Variants in GRIN2B observed in about 807,000 individuals in gnomAD.
GRIN2B encodes the protein glutamate ionotropic receptor NMDA type subunit 2B.
GRIN2B carries 5 observed loss-of-function variants against 114.5 expected under a neutral mutation model. The observed-to-expected ratio is 0.04, with a 90% CI of 0.02 to 0.09. GRIN2B has a LOEUF of 0.09. Among genes scored for constraint, GRIN2B ranks in the 10% least tolerant of loss-of-function variants. The pLI, the probability that GRIN2B is intolerant of heterozygous loss-of-function variation, is 1.00. For synonymous variants in GRIN2B, 787 were observed against 745.1 expected, an observed-to-expected ratio of 1.06 and a Z score of -0.92; for missense variants, 1,108 against 1,943.5, an observed-to-expected ratio of 0.57 and a Z score of 8.08.
At chr12:13,886,353 C>A (rs1866157101) in intron 2 of GRIN2B, among the ~76,000 whole-genome samples, 2 of 152,184 alleles carry the variant, frequency 1.3e-5, no homozygotes, top group South Asian at 4.1e-4. Context: ...CATATCACCC[C>A]ACATGCTCTG....
chr12:13,753,580 C>A lies in GRIN2B; in HGVS notation c.747G>T (p.Leu249=), dbSNP rs1272521133. The change falls in exon 4 of 14, where the codon CTG becomes CTT. Residue 249 remains leucine (L), a synonymous_variant. Transcript: ENST00000609686. This position sits in a 1 kb window ranked among gnomAD's most constrained non-coding sequence, Gnocchi z 6.2. ...CGATCCACGTGTAGCCATAGCCAGT[C>A]AGCCCTACTGAGTTGGCCACTTCAA... ...YIFEVANSVG[L]TGYGYTWIVP... is the part of the protein sequence containing the mutation. 2 of 1,614,086 alleles carry A rather than the reference C, an allele frequency of 1.2e-6. No homozygotes were observed. The highest frequency in any genetic ancestry group is 2.2e-5 in the East Asian group (1 of 44,900).
chr12:13,959,432 G>A (rs1263227461), intron 2 of GRIN2B, among the ~76,000 whole-genome samples: 1 of 152,146 alleles, frequency 6.6e-6, no homozygotes, highest in Non-Finnish European at 1.5e-5. Context: ...ACCGTGGATT[G>A]GTGAGTAGAG....
At chr12:13,788,907 A>C (rs555005848) in intron 3 of GRIN2B, among the ~76,000 whole-genome samples, 6 of 152,320 alleles carry the variant, frequency 3.9e-5, no homozygotes, top group Non-Finnish European at 8.8e-5. Context: ...GGCTGACTGC[A>C]AGCAAGTGGA....
Position 13,552,065 on chromosome 12 carries a change from A to G in GRIN2B, c.*10718T>C, listed in dbSNP as rs1948420222. On this transcript the variant is annotated 3_prime_UTR_variant, in exon 14 of 14. Coordinates refer to ENST00000609686, the MANE Select transcript of GRIN2B (RefSeq NM_000834.5). ...CGCATTCCTGTGGCCCCTTCCCCTG[A>G]TGCTGTTCTCCTGTCAGATTTCAGA... The G allele has an allele frequency of 6.6e-6, 1 of 152,140 alleles. No homozygotes were observed. The highest frequency in any genetic ancestry group is 6.5e-5 in the Admixed American group (1 of 15,276). The allele number at this position is 152,140 out of a possible 1,614,324, so 9.4% of individuals were successfully genotyped here. A position where few individuals can be genotyped will look rare whatever the true frequency, so the allele number is the denominator to read the frequency against.
At chr12:13,830,643 AT>A (rs1455130683) in intron 3 of GRIN2B, among the ~76,000 whole-genome samples, 4 of 152,350 alleles carry the variant, frequency 2.6e-5, no homozygotes, top group Admixed American at 6.5e-5. Flanking sequence ...TCTATATTAC[AT>A]TTTATATATA....
chr12:13,758,375 A>T (rs1863616341), intron 3 of GRIN2B, among the ~76,000 whole-genome samples: 1 of 152,206 alleles, frequency 6.6e-6, no homozygotes, highest in Admixed American at 6.5e-5. Flanking sequence ...AACACCAAAA[A>T]GAAATTGCTT....
At chr12:13,718,457 G>T (rs1406548739) in intron 4 of GRIN2B, among the ~76,000 whole-genome samples, 1 of 151,982 alleles carries the variant, frequency 6.6e-6, no homozygotes, top group African/African-American at 2.4e-5. Context: ...GGACTGGACC[G>T]AGGCAGTTCC....
chr12:13,937,275 A>C (rs1032085909), intron 2 of GRIN2B, among the ~76,000 whole-genome samples: 6 of 152,022 alleles, frequency 3.9e-5, no homozygotes, highest in African/African-American at 1.4e-4. Flanking sequence ...CCCGAATGCC[A>C]ATTTGATTTT....
intron 3 of GRIN2B, among the ~76,000 whole-genome samples, chr12:13,858,115 T>C (rs1052050074): frequency 2.0e-5 from 3 of 152,206 alleles, no homozygotes; most frequent in Non-Finnish European, 4.4e-5. Flanking sequence ...CTCTGATCTA[T>C]AGTTTCCTTG....
intron 2 of GRIN2B, among the ~76,000 whole-genome samples, chr12:13,926,946 C>T (rs1026192722): frequency 5.5e-5 from 7 of 127,122 alleles, no homozygotes; most frequent in African/African-American, 2.2e-4. Context: ...AGCGCGACTC[C>T]GTCTCAAAAA....
At chr12:13,634,903 T>C (rs542855532) in intron 5 of GRIN2B, among the ~76,000 whole-genome samples, 1 of 152,358 alleles carries the variant, frequency 6.6e-6, no homozygotes, top group East Asian at 1.9e-4. Flanking sequence ...TACTGAAGAC[T>C]GGGCAGTATA....
intron 3 of GRIN2B, among the ~76,000 whole-genome samples, chr12:13,825,496 T>TTTTTTTTTG (rs375940899): frequency 0.033 from 4,058 of 122,938 alleles, 101 homozygotes; most frequent in East Asian, 0.068. Context: ...TATATATATT[T>TTTTTTTTTG]TGTGTGTGTG....
chr12:13,699,192 G>A (rs955117139), intron 4 of GRIN2B, among the ~76,000 whole-genome samples: 6 of 152,098 alleles, frequency 3.9e-5, no homozygotes, highest in African/African-American at 9.7e-5. Context: ...TCTGATTTTC[G>A]TATTGCTGCT....
chr12:13,625,290 A>G (rs1949555130), intron 5 of GRIN2B, among the ~76,000 whole-genome samples: 1 of 152,152 alleles, frequency 6.6e-6, no homozygotes, highest in African/African-American at 2.4e-5. Flanking sequence ...TTGCAAACTT[A>G]CTGTGATCTA....
At chr12:13,803,751 T>C (rs220572) in intron 3 of GRIN2B, among the ~76,000 whole-genome samples, 148,644 of 152,256 alleles carry the variant, frequency 0.98, 72,656 homozygotes, top group Middle Eastern at 1. Context: ...TATGGTGAGA[T>C]GGGAAGGTGA....
At chr12:13,791,866 G>A (rs750511432) in intron 3 of GRIN2B, among the ~76,000 whole-genome samples, 4 of 152,124 alleles carry the variant, frequency 2.6e-5, no homozygotes, top group African/African-American at 7.2e-5. Flanking sequence ...AGTGTTAACC[G>A]TAGTCACCCT....
chr12:13,825,003 G>A lies in GRIN2B; in HGVS notation c.411+40795C>T, dbSNP rs545535959. On this transcript the variant is annotated intron_variant, in intron 3 of 13. Coordinates refer to ENST00000609686, the MANE Select transcript of GRIN2B (RefSeq NM_000834.5). ...TACTCTTCTTTCTCTAGATTCCTAA[G>A]GTAGAAGCTTCAGATCATTGATTGT... Among the ~76,000 whole-genome samples, 9 of 151,908 alleles carry A rather than the reference G, an allele frequency of 5.9e-5. No homozygotes were observed. The East Asian group carries it at 1.7e-3, about 29-fold the overall frequency.
At chr12:13,943,056 G>A (rs577739871) in intron 2 of GRIN2B, among the ~76,000 whole-genome samples, 1 of 152,210 alleles carries the variant, frequency 6.6e-6, no homozygotes, top group African/African-American at 2.4e-5. Context: ...GGATGCCACA[G>A]GGAATTAGGG....
rs569919492 is a variant in GRIN2B, at chr12:13,639,729, T to C, written c.1126-23072A>G. ...CTCTGCTGGGGTTCCACACTTCTTT[T>C]CTTTCATTTCACTGGAGCCTTTATT... On this transcript the variant is annotated intron_variant, in intron 5 of 13. Coordinates refer to ENST00000609686, the MANE Select transcript of GRIN2B (RefSeq NM_000834.5). Among the ~76,000 whole-genome samples, 3 of 152,234 alleles carry C rather than the reference T, an allele frequency of 2.0e-5. No individual in the cohort carries two copies. In the East Asian group the frequency reaches 5.8e-4, roughly 30 times the overall value.
Sources: gnomAD v4.1 joint callset for allele counts (sites outside exome capture counted in the v4.1 genomes callset) on GRCh38, gnomAD v4.1.1 for gene constraint, Gnocchi (gnomAD v3.1) non-coding constraint, MANE v1.5 for transcripts, NCBI Gene and HGNC (gene_info 2026-07-23, HGNC 2026-07-21) for gene names.